Variants in PBX1 observed in about 807,000 individuals in gnomAD.
PBX1 encodes the protein PBX homeobox 1.
A neutral mutation model predicts 53.4 loss-of-function variants in PBX1; 6 were observed. The observed-to-expected ratio is 0.11, with a 90% CI of 0.06 to 0.22. The LOEUF (loss-of-function observed/expected upper bound fraction) is 0.22, where lower values mean the gene tolerates loss of function less well. Among genes scored for constraint, PBX1 ranks in the 10% least tolerant of loss-of-function variants. The pLI, the probability that PBX1 is intolerant of heterozygous loss-of-function variation, is 1.00. For missense variants in PBX1, 251 were observed against 551.4 expected, an observed-to-expected ratio of 0.46 and a Z score of 5.46; for synonymous variants, 204 against 212.3, an observed-to-expected ratio of 0.96 and a Z score of 0.34.
downstream of PBX1, among the ~76,000 whole-genome samples, chr1:164,855,196 T>C (rs1671952362): frequency 6.6e-6 from 1 of 152,230 alleles, no homozygotes; most frequent in African/African-American, 2.4e-5. Flanking sequence ...TCTGCCTACA[T>C]TGGCCTCCCA....
intron 2 of PBX1, among the ~76,000 whole-genome samples, chr1:164,754,404 G>A (rs977719154): frequency 2.6e-5 from 4 of 152,146 alleles, no homozygotes; most frequent in Non-Finnish European, 5.9e-5. Context: ...ATCACAACTC[G>A]CTTGTCTTAC....
At position 164,848,483 on chromosome 1, in the gene PBX1, T is replaced by TCATGC; in HGVS notation, c.*1811_*1815dup. On this transcript the variant is annotated 3_prime_UTR_variant, in exon 9 of 9. Transcript: ENST00000420696. ...AGTAATGTCCCTGAAATAAACGGGTTCATGCCATCTAGGGACAATAAATGG... is the reference window on the plus strand; with the variant it reads ...AGTAATGTCCCTGAAATAAACGGGTTCATGCCATGCCATCTAGGGACAATAAATGG... The TCATGC allele has an allele frequency of 9.4e-7, 1 of 1,058,664 alleles. No individual in the cohort carries two copies. Among genetic ancestry groups the TCATGC allele is most frequent in the Non-Finnish European group, 1.1e-6 (1 of 875,048 alleles). The allele number at this position is 1,058,664 out of a possible 1,614,324, so 65.6% of individuals were successfully genotyped here.
chr1:164,859,158 C>T (rs1334911283), intron 2 of PBX1, among the ~76,000 whole-genome samples: 5 of 152,132 alleles, frequency 3.3e-5, no homozygotes, highest in African/African-American at 1.2e-4. Flanking sequence ...GGTTGTTCCC[C>T]AAATGCAGAG....
At position 164,764,420 on chromosome 1, in the gene PBX1, G is replaced by A. The variant is rs576712256; in HGVS notation, c.266-28074G>A. ...TAGCCTCTTAATATGATTTTCCTTA[G>A]GTCACAAATCCATATAGAATATTTG... On this transcript the variant is annotated intron_variant, in intron 2 of 8. Coordinates refer to ENST00000420696, the MANE Select transcript of PBX1 (RefSeq NM_002585.4). Among the ~76,000 whole-genome samples the A allele has an allele frequency of 1.9e-3, 293 of 152,066 alleles. 1 individual carries two copies. Among genetic ancestry groups the A allele is most frequent in the Middle Eastern group, 3.4e-3 (1 of 294 alleles).
chr1:164,832,724 T>A (rs1232057957), intron 8 of PBX1, among the ~76,000 whole-genome samples: 2 of 152,036 alleles, frequency 1.3e-5, no homozygotes, highest in African/African-American at 4.8e-5. Flanking sequence ...AAGAATTTAG[T>A]AATCAACTAC....
intron 2 of PBX1, among the ~76,000 whole-genome samples, chr1:164,647,276 G>T (rs528196007): frequency 3.9e-4 from 60 of 152,290 alleles, no homozygotes; most frequent in African/African-American, 1.3e-3. Context: ...AACAGGGGCC[G>T]TTGGAGGAGG....
At chr1:164,865,128 G>A (rs2102446903) in intron 2 of PBX1, among the ~76,000 whole-genome samples, 1 of 152,338 alleles carries the variant, frequency 6.6e-6, no homozygotes, top group Non-Finnish European at 1.5e-5. Context: ...GAACAATCCT[G>A]TGATTGCAAA....
At chr1:164,823,647 ACAT>A (rs895656522) in intron 8 of PBX1, among the ~76,000 whole-genome samples, 1 of 151,424 alleles carries the variant, frequency 6.6e-6, no homozygotes, top group Non-Finnish European at 1.5e-5. Flanking sequence ...GACCCCTCTG[ACAT>A]CATCTGGTGG....
At chr1:164,802,779 C>G (rs1669146531) in intron 4 of PBX1, among the ~76,000 whole-genome samples, 1 of 152,070 alleles carries the variant, frequency 6.6e-6, no homozygotes, top group African/African-American at 2.4e-5. Context: ...TTCATTCATT[C>G]ATTCATTCAT....
chr1:164,785,538 A>T (rs920471318), intron 2 of PBX1, among the ~76,000 whole-genome samples: 5 of 152,154 alleles, frequency 3.3e-5, no homozygotes, highest in African/African-American at 1.2e-4. Flanking sequence ...AAATCTTCAG[A>T]TTTTCAGTTG....
intron 2 of PBX1, chr1:164,641,875 C>T (rs1219114411): frequency 6.6e-6 from 1 of 152,208 alleles, no homozygotes; most frequent in Non-Finnish European, 1.5e-5. Context: ...ATTCAGCTAA[C>T]ACCCTTCCTT....
Position 164,737,903 on chromosome 1 carries a change from A to G in PBX1, c.266-54591A>G, listed in dbSNP as rs186054135. On this transcript the variant is annotated intron_variant, in intron 2 of 8. Transcript: ENST00000420696. ...AGTCAACCTTCCCCACCTCCCCCCA[A>G]CCGGTGCCTGGCACCCACTGATCTG... is the stretch of plus-strand genomic sequence containing the variant. Among the ~76,000 whole-genome samples the G allele has an allele frequency of 7.3e-4, 111 of 151,708 alleles. 1 individual carries two copies. The East Asian group carries it at 0.018, about 25-fold the overall frequency.
intron 2 of PBX1, among the ~76,000 whole-genome samples, chr1:164,766,734 A>AT (rs200315732): frequency 9.0e-4 from 99 of 110,388 alleles, no homozygotes; most frequent in South Asian, 1.7e-3. Flanking sequence ...TTATTTATTT[A>AT]TTTATTTTTT....
intron 8 of PBX1, among the ~76,000 whole-genome samples, chr1:164,843,054 G>C (rs1415005486): frequency 3.3e-5 from 5 of 152,036 alleles, no homozygotes; most frequent in Admixed American, 1.3e-4. Context: ...GGTTAACGTG[G>C]CAGTAAGCGA....
At chr1:164,725,764 A>C (rs1664668636) in intron 2 of PBX1, among the ~76,000 whole-genome samples, 1 of 152,168 alleles carries the variant, frequency 6.6e-6, no homozygotes. Flanking sequence ...TCTTCAAGGC[A>C]CTTTGCTTAC....
chr1:164,882,626 G>A lies in PBX1; in HGVS notation n.258-16562G>A, dbSNP rs188483915. Among the ~76,000 whole-genome samples, 815 of 152,186 alleles carry A rather than the reference G, an allele frequency of 5.4e-3. 4 individuals carry two copies. Among genetic ancestry groups the A allele is most frequent in the Non-Finnish European group, 9.5e-3 (644 of 68,018 alleles). On this transcript the variant is annotated intron_variant and non_coding_transcript_variant, in intron 2 of 2. Transcript: ENST00000558796. ...TATTCTTTTTAAAAAATAAAATAGA[G>A]ATGGAGTCTCACTATGTTGATTAGG...
intron 2 of PBX1, among the ~76,000 whole-genome samples, chr1:164,597,385 G>C (rs140268484): frequency 2.0e-5 from 3 of 152,262 alleles, no homozygotes; most frequent in South Asian, 2.1e-4. Context: ...TGACATCAAG[G>C]GTTGACACTT....
chr1:164,738,044 A>T (rs935874587), intron 2 of PBX1, among the ~76,000 whole-genome samples: 2 of 152,134 alleles, frequency 1.3e-5, no homozygotes, highest in Non-Finnish European at 2.9e-5. Context: ...TGTAATCTAA[A>T]AATAATGCTT....
At chr1:164,698,864 A>C (rs542680748) in intron 2 of PBX1, among the ~76,000 whole-genome samples, 1 of 152,222 alleles carries the variant, frequency 6.6e-6, no homozygotes, top group Non-Finnish European at 1.5e-5. Context: ...AACACGAGGT[A>C]CCACAACTGC....
Sources: gnomAD v4.1 joint callset for allele counts (sites outside exome capture counted in the v4.1 genomes callset) on GRCh38, gnomAD v4.1.1 for gene constraint, MANE v1.5 for transcripts, NCBI Gene and HGNC (gene_info 2026-07-23, HGNC 2026-07-21) for gene names.